The following KDM3A variants were observed in gnomAD, a reference collection of about 807,000 sequenced individuals.
The protein encoded by KDM3A is lysine demethylase 3A.
A neutral mutation model predicts 158.0 loss-of-function variants in KDM3A; 60 were observed. The ratio of observed to expected loss-of-function variants is 0.38; its 90% CI spans 0.31 to 0.47. The LOEUF is 0.47. KDM3A is among the 20% of genes least tolerant of loss of function. The pLI, the probability that KDM3A is intolerant of heterozygous loss-of-function variation, is 0.99. For missense variants in KDM3A, 1,319 were observed against 1,574.3 expected (o/e 0.84, Z 2.74); for synonymous variants, 608 against 549.3 (o/e 1.11, Z -1.49).
chr2:86,486,055 G>T (rs1674164859), intron 21 of KDM3A, among the ~76,000 whole-genome samples, 196 bp downstream of exon 21: 1 of 151,948 alleles, frequency 6.6e-6, no homozygotes. Flanking sequence ...GCAGTTGTAG[G>T]GCATATGCAA....
rs1445172518 is a variant in KDM3A at position 86,478,598 on chromosome 2, C to G, written c.2189-10C>G. 5.0e-6 allele frequency: 8 copies of G among 1,613,032 alleles called. No homozygotes were observed. The African/African-American group carries it at 8.0e-5, about 16-fold the overall frequency. On this transcript the variant is annotated splice_polypyrimidine_tract_variant and intron_variant, in intron 14 of 25. Coordinates refer to ENST00000312912, the MANE Select transcript of KDM3A (RefSeq NM_018433.6). Reference sequence around the variant, plus strand: ...CCTTGTTCAGATGTTTGCCTCTGCCCTTTCTTTAGCACTCTATGATGTTGG... The same window carrying G: ...CCTTGTTCAGATGTTTGCCTCTGCCGTTTCTTTAGCACTCTATGATGTTGG...
chr2:86,441,884 G>A (rs1328411194), intron 1 of KDM3A, 134 bp from the exon 2 acceptor site: 2 of 452,158 alleles, frequency 4.4e-6, no homozygotes, highest in African/African-American at 4.2e-5. Context: ...GCGCAGGAGG[G>A]GGGCTCGGTG....
intron 21 of KDM3A, chr2:86,488,340 T>G (rs987475196): frequency 2.6e-5 from 4 of 152,236 alleles, no homozygotes; most frequent in African/African-American, 7.2e-5. Context: ...TTTTAACTTT[T>G]TGCCATAATC....
intron 24 of KDM3A, 21 bp from the exon 25 acceptor site, chr2:86,491,120 A>G (rs763455776): frequency 1.2e-6 from 2 of 1,613,736 alleles, no homozygotes; most frequent in Non-Finnish European, 1.7e-6. Flanking sequence ...TGTTACTGAT[A>G]TATTACTTGG....
upstream of KDM3A, among the ~76,000 whole-genome samples, chr2:86,439,471 A>T (rs373824959): frequency 3.9e-5 from 6 of 152,082 alleles, no homozygotes; most frequent in East Asian, 9.6e-4. Flanking sequence ...TATAACTTTT[A>T]TAAAATGCAT....
intron 15 of KDM3A, chr2:86,479,368 G>A (rs1410124697): frequency 6.6e-6 from 1 of 152,162 alleles, no homozygotes; most frequent in Non-Finnish European, 1.5e-5. Flanking sequence ...AGGCAGGATG[G>A]GAGAGCAGAA....
chr2:86,442,967 C>G (rs914697539), intron 2 of KDM3A, among the ~76,000 whole-genome samples: 1 of 152,072 alleles, frequency 6.6e-6, no homozygotes, highest in Non-Finnish European at 1.5e-5. Flanking sequence ...ATCATTATGA[C>G]ACTCAGAACC....
intron 15 of KDM3A, chr2:86,479,122 C>T (rs1422865604): frequency 6.4e-6 from 1 of 156,068 alleles, no homozygotes; most frequent in Non-Finnish European, 1.4e-5. Flanking sequence ...ATATATTTTG[C>T]CTGTGTTTAT....
chr2:86,465,012 G>A (rs995968141), intron 9 of KDM3A, among the ~76,000 whole-genome samples: 1 of 152,186 alleles, frequency 6.6e-6, no homozygotes, highest in African/African-American at 2.4e-5. Flanking sequence ...AATAGAAACG[G>A]AGGGAACATT....
At chr2:86,438,458 A>G (rs944934259), upstream of KDM3A, among the ~76,000 whole-genome samples, 3 of 152,036 alleles carry the variant, frequency 2.0e-5, no homozygotes, top group Admixed American at 2.0e-4. Flanking sequence ...ATGACAATAT[A>G]TTGTATATTT....
intron 11 of KDM3A, among the ~76,000 whole-genome samples, chr2:86,473,335 A>C (rs1354280744): frequency 2.0e-5 from 3 of 152,018 alleles, no homozygotes; most frequent in African/African-American, 7.3e-5. Flanking sequence ...TAATTAGAAA[A>C]ATTTTTTTTT....
At position 86,442,135 on chromosome 2, in the gene KDM3A, C is replaced by G; in HGVS notation, c.88C>G (p.His30Asp). Residue 30 changes from histidine (H) to aspartate (D), a missense_variant, in exon 2 of 26, where the codon CAC becomes GAC. Around this residue, in one of 4 missense-constraint regions of KDM3A, gnomAD observed 652 missense variants for 627.2 expected, o/e 1.04. Coordinates refer to ENST00000312912, the MANE Select transcript of KDM3A (RefSeq NM_018433.6). ...LSAADGSDGS[H>D]DSWDVERVAE... ...CGCAGCCGACGGCAGCGATGGCAGC[C>G]ACGACAGCTGGGACGTGGAGCGCGT... The G allele has an allele frequency of 6.2e-7, 1 of 1,614,128 alleles. No individual in the cohort carries two copies. Among genetic ancestry groups the G allele is most frequent in the Non-Finnish European group, 8.5e-7 (1 of 1,180,016 alleles).
chr2:86,439,375 G>T (rs1338428752), upstream of KDM3A, among the ~76,000 whole-genome samples: 1 of 151,936 alleles, frequency 6.6e-6, no homozygotes, highest in Non-Finnish European at 1.5e-5. Flanking sequence ...TTTTATAAAA[G>T]AATTTCCCAT....
chr2:86,473,074 T>TA (rs1038421520), intron 11 of KDM3A, among the ~76,000 whole-genome samples: 1 of 152,248 alleles, frequency 6.6e-6, no homozygotes, highest in Non-Finnish European at 1.5e-5. Flanking sequence ...GGATATCTGT[T>TA]ACAGGCTACT....
Position 86,455,315 on chromosome 2 carries a change from A to C in KDM3A, c.556+128A>C, listed in dbSNP as rs1672644139. The C allele has an allele frequency of 4.4e-5, 26 of 591,100 alleles. 1 individual carries two copies. The South Asian group carries it at 5.6e-4, about 13-fold the overall frequency. 36.6% of individuals were successfully genotyped at this position (591,100 alleles called of 1,614,324 possible). On this transcript the variant is annotated intron_variant, in intron 5 of 25. Coordinates refer to ENST00000312912, the MANE Select transcript of KDM3A (RefSeq NM_018433.6). ...TTTTCTTTTTTTTTTTTTTTGAGAC[A>C]GTCTAGTTCCTAGGCTGGAGTGCCA...
intron 2 of KDM3A, among the ~76,000 whole-genome samples, chr2:86,448,237 G>GGT (rs1259032675): frequency 6.6e-6 from 1 of 152,182 alleles, no homozygotes; most frequent in African/African-American, 2.4e-5. Flanking sequence ...GGCTGAGAAG[G>GGT]GTAGGATAGA....
chr2:86,482,801 G>GT (rs940633786), intron 18 of KDM3A, 107 bp downstream of exon 18: 1 of 986,884 alleles, frequency 1.0e-6, no homozygotes, highest in African/African-American at 1.6e-5. Context: ...TTCACCTCCT[G>GT]TTTTATTCTT....
chr2:86,462,081 C>T (rs1156829506), intron 8 of KDM3A, among the ~76,000 whole-genome samples: 1 of 151,930 alleles, frequency 6.6e-6, no homozygotes, highest in Non-Finnish European at 1.5e-5. Flanking sequence ...ACATGTGTAG[C>T]TTAGGGGAAA....
rs1316693109 is a variant in KDM3A at position 86,480,101 on chromosome 2, GAAGAA to G, written c.2317-57_2317-53del. On this transcript the variant is annotated intron_variant, in intron 15 of 25. Transcript: ENST00000312912. Reference sequence around the variant, plus strand: ...TACTTGTTGGTCGGCTATTAGGAGAGAAGAAAAGAAAAGGAAGCTGTCATTCTTCA... The same window carrying G: ...TACTTGTTGGTCGGCTATTAGGAGAGAAGAAAAGGAAGCTGTCATTCTTCA... 2.5e-5 allele frequency: 32 copies of G among 1,264,210 alleles called. No individual in the cohort carries two copies. In the African/African-American group the frequency reaches 2.7e-4, roughly 11 times the overall value. 78.3% of individuals were successfully genotyped at this position (1,264,210 alleles called of 1,614,324 possible). A position where few individuals can be genotyped will look rare whatever the true frequency, so the allele number is the denominator to read the frequency against.
Sources: gnomAD v4.1 joint callset for allele counts (sites outside exome capture counted in the v4.1 genomes callset) on GRCh38, gnomAD v4.1.1 for gene constraint, gnomAD v4.1.1 regional missense constraint, MANE v1.5 for transcripts, NCBI Gene and HGNC (gene_info 2026-07-23, HGNC 2026-07-21) for gene names.